Variants in ORC2 observed in about 807,000 individuals in gnomAD.
ORC2 encodes the protein origin recognition complex subunit 2, also known as origin recognition complex protein 2 homolog.
A neutral mutation model predicts 77.7 loss-of-function variants in ORC2; 37 were observed. The ratio of observed to expected loss-of-function variants is 0.48; its 90% CI spans 0.37 to 0.63. The LOEUF (loss-of-function observed/expected upper bound fraction) is 0.63, where lower values mean the gene tolerates loss of function less well. ORC2 is among the 20% of genes least tolerant of loss of function. ORC2 has a pLI of 0.00. For missense variants in ORC2, 557 were observed against 661.9 expected (o/e 0.84, Z 1.74); for synonymous variants, 201 against 229.5 (o/e 0.88, Z 1.12).
chr2:200,923,795 C>T (rs973446300), intron 13 of ORC2, among the ~76,000 whole-genome samples: 1 of 152,070 alleles, frequency 6.6e-6, no homozygotes, highest in Non-Finnish European at 1.5e-5. Context: ...ACTGAACAGA[C>T]TGTGAAAACG....
Position 200,935,771 on chromosome 2 carries a change from T to C in ORC2, c.636A>G (p.Gln212=). 4 of 1,614,146 alleles carry C rather than the reference T, an allele frequency of 2.5e-6. No individual in the cohort carries two copies. The highest frequency in any genetic ancestry group is 3.4e-6 in the Non-Finnish European group (4 of 1,179,996). The change falls in exon 9 of 18, where the codon CAA becomes CAG. Residue 212 remains glutamine (Q), a synonymous_variant. Transcript: ENST00000234296. ...GAGCTGAAACTACTCTATTCTGAGCTTGAATCTTTTGGCTGAATATGACTG... is the reference window on the plus strand; with the variant it reads ...GAGCTGAAACTACTCTATTCTGAGCCTGAATCTTTTGGCTGAATATGACTG... The part of the protein sequence containing the change: ...TNAVIFSQKI[Q]AQNRVVSAPV...
chr2:200,938,956 T>A (rs931950828), intron 7 of ORC2, among the ~76,000 whole-genome samples: 6 of 151,900 alleles, frequency 3.9e-5, no homozygotes, highest in African/African-American at 1.5e-4. Flanking sequence ...GGACAACTGC[T>A]TGAACCTGGG....
intron 4 of ORC2, among the ~76,000 whole-genome samples, chr2:200,953,803 G>C (rs2041410983): frequency 6.6e-6 from 1 of 152,070 alleles, no homozygotes; most frequent in African/African-American, 2.4e-5. Context: ...CTTTAAAAAT[G>C]GTTCAGATGC....
chr2:200,913,685 C>G, intron 16 of ORC2: 1 of 1,347,148 alleles, frequency 7.4e-7, no homozygotes, highest in South Asian at 2.0e-5. Flanking sequence ...GATACACATC[C>G]ATAGTTAGCA....
intron 6 of ORC2, 59 bp from the exon 7 acceptor site, chr2:200,941,338 C>A: frequency 6.7e-7 from 1 of 1,500,746 alleles, no homozygotes; most frequent in South Asian, 1.2e-5. Context: ...TCATTGTGGT[C>A]TAGTTTCATT....
intron 5 of ORC2, among the ~76,000 whole-genome samples, chr2:200,946,600 A>G (rs2041253483): frequency 1.3e-5 from 2 of 152,244 alleles, no homozygotes; most frequent in Non-Finnish European, 1.5e-5. Context: ...AATGCGCAGA[A>G]TGAGGATAAT....
At chr2:200,925,205 T>C (rs2124956645) in intron 13 of ORC2, among the ~76,000 whole-genome samples, 1 of 152,218 alleles carries the variant, frequency 6.6e-6, no homozygotes, top group East Asian at 1.9e-4. Context: ...TGCACGCCTG[T>C]AATCCCAGCT....
intron 17 of ORC2, among the ~76,000 whole-genome samples, chr2:200,912,559 G>C (rs2040569468): frequency 6.6e-6 from 1 of 152,012 alleles, no homozygotes; most frequent in African/African-American, 2.4e-5. Flanking sequence ...GGGACTACAG[G>C]TACAGCTGCG....
At chr2:200,914,192 G>T (rs2040601039) in intron 15 of ORC2, among the ~76,000 whole-genome samples, 200 bp from the exon 16 acceptor site, 1 of 144,652 alleles carries the variant, frequency 6.9e-6, no homozygotes, top group African/African-American at 2.6e-5. Flanking sequence ...TTGAGACGGA[G>T]TCTTGCTCTG....
Position 200,936,289 on chromosome 2 carries a change from T to C in ORC2, c.515-397A>G, listed in dbSNP as rs2041046550. Among the ~76,000 whole-genome samples the C allele has an allele frequency of 2.0e-5, 3 of 152,212 alleles. No individual in the cohort carries two copies. In the South Asian group the frequency reaches 6.2e-4, roughly 31 times the overall value. ...AATCATGGTAACTGCCTTTTTCCTC[T>C]TCAAGGTACCTGCTTTCCCAGCCTC... On this transcript the variant is annotated intron_variant, in intron 8 of 17. Transcript: ENST00000234296.
chr2:200,956,549 C>T (rs2041467830), intron 4 of ORC2, among the ~76,000 whole-genome samples: 2 of 151,940 alleles, frequency 1.3e-5, no homozygotes, highest in Admixed American at 6.6e-5. Flanking sequence ...AGGATGGTTA[C>T]AAACTCCTGG....
At position 200,961,652 on chromosome 2, in the gene ORC2, A is replaced by C. The variant is rs16836330; in HGVS notation, c.-60+1838T>G. Among the ~76,000 whole-genome samples, 553 of 152,350 alleles carry C rather than the reference A, an allele frequency of 3.6e-3. 4 individuals are homozygous for C. Among genetic ancestry groups the C allele is most frequent in the African/African-American group, 0.013 (529 of 41,588 alleles). On this transcript the variant is annotated intron_variant, in intron 1 of 17. Transcript: ENST00000234296. ...CAAAGAGCATGGCCAGAGTCAGCAT[A>C]ATCTACATTATTTTACTTAATTATA...
At chr2:200,956,733 T>C (rs2041472516) in intron 4 of ORC2, among the ~76,000 whole-genome samples, 1 of 152,122 alleles carries the variant, frequency 6.6e-6, no homozygotes, top group African/African-American at 2.4e-5. Context: ...GATTGTGCCA[T>C]GGCATCCCAA....
intron 13 of ORC2, among the ~76,000 whole-genome samples, chr2:200,924,286 G>A (rs1328161124): frequency 6.6e-6 from 1 of 152,034 alleles, no homozygotes; most frequent in Non-Finnish European, 1.5e-5. Context: ...GATTTAGGAT[G>A]TAGTGAGCTG....
chr2:200,937,676 C>T (rs1376490926), intron 8 of ORC2, among the ~76,000 whole-genome samples: 1 of 151,924 alleles, frequency 6.6e-6, no homozygotes, highest in Non-Finnish European at 1.5e-5. Flanking sequence ...GAATAATTTC[C>T]AAACTGTCTC....
intron 4 of ORC2, among the ~76,000 whole-genome samples, chr2:200,953,907 C>G (rs1180507043): frequency 6.6e-6 from 1 of 152,186 alleles, no homozygotes; most frequent in Non-Finnish European, 1.5e-5. Flanking sequence ...GCCTCAACCT[C>G]CTGGGCTCCA....
At chr2:200,926,004 C>CT (rs925360491) in intron 12 of ORC2, 72 bp from the exon 13 acceptor site, 8 of 628,512 alleles carry the variant, frequency 1.3e-5, no homozygotes, top group African/African-American at 3.7e-5. Flanking sequence ...AAAATCAAAC[C>CT]TTTTTTTATA....
At chr2:200,930,118 TA>T (rs1354902429) in intron 11 of ORC2, among the ~76,000 whole-genome samples, 2 of 150,954 alleles carry the variant, frequency 1.3e-5, no homozygotes, top group Non-Finnish European at 3.0e-5. Flanking sequence ...GAGGTCAAGC[TA>T]AAGTCCAACT....
chr2:200,931,326 T>G lies in ORC2; in HGVS notation c.917+13A>C. The G allele has an allele frequency of 9.6e-7, 1 of 1,045,092 alleles. No individual in the cohort carries two copies. The allele number at this position is 1,045,092 out of a possible 1,614,324, so 64.7% of individuals were successfully genotyped here. On this transcript the variant is annotated intron_variant, in intron 11 of 17. Transcript: ENST00000234296. Reference sequence around the variant, plus strand: ...TTCTTTATTTTACAAGGGTTTGTAATGATAATACTTACTGTAATTGCAGCA... The same window carrying G: ...TTCTTTATTTTACAAGGGTTTGTAAGGATAATACTTACTGTAATTGCAGCA...
Sources: gnomAD v4.1 joint callset for allele counts (sites outside exome capture counted in the v4.1 genomes callset) on GRCh38, gnomAD v4.1.1 for gene constraint, MANE v1.5 for transcripts, NCBI Gene and HGNC (gene_info 2026-07-23, HGNC 2026-07-21) for gene names.